Variants in QSOX2 observed in about 807,000 individuals in gnomAD.
QSOX2 encodes sulfhydryl oxidase 2.
Under a neutral mutation model 61.7 loss-of-function variants are expected in QSOX2, and 46 were observed. The observed-to-expected ratio is 0.75, with a 90% CI of 0.59 to 0.95. The LOEUF (loss-of-function observed/expected upper bound fraction) is 0.95. Among genes scored for constraint, QSOX2 ranks in the 40% least tolerant of loss-of-function variants. The pLI, the probability that QSOX2 is intolerant of heterozygous loss-of-function variation, is 0.00. For missense variants in QSOX2, 879 were observed against 918.9 expected (o/e 0.96, Z 0.56); for synonymous variants, 383 against 388.4 (o/e 0.99, Z 0.16).
chr9:136,244,710 T>C (rs1018478365), intron 1 of QSOX2, among the ~76,000 whole-genome samples: 3 of 152,224 alleles, frequency 2.0e-5, no homozygotes, highest in African/African-American at 7.2e-5. Flanking sequence ...ACTTCGTGAC[T>C]GGTTAACAAC....
Position 136,208,293 on chromosome 9 carries a change from G to GA in QSOX2, c.*434_*435insT, listed in dbSNP as rs1554755634. The GA allele has an allele frequency of 6.1e-3, 804 of 132,690 alleles. 40 individuals carry two copies. Among genetic ancestry groups the GA allele is most frequent in the Middle Eastern group, 0.027 (7 of 260 alleles). 8.2% of individuals were successfully genotyped at this position (132,690 alleles called of 1,614,324 possible). ...GGGGGGAGGGGGAGCGAGGGGAGTG[G>GA]GGGGGAGCCAGGAGCCGCGGGGGGG... is the stretch of plus-strand genomic sequence containing the variant. On this transcript the variant is annotated 3_prime_UTR_variant, in exon 12 of 12. Coordinates refer to ENST00000358701, the MANE Select transcript of QSOX2 (RefSeq NM_181701.4).
At chr9:136,243,326 G>C (rs1830447177) in intron 1 of QSOX2, among the ~76,000 whole-genome samples, 2 of 152,142 alleles carry the variant, frequency 1.3e-5, no homozygotes, top group Admixed American at 1.3e-4. Flanking sequence ...CAGCATTCAG[G>C]TCTGAAAAGA....
intron 10 of QSOX2, among the ~76,000 whole-genome samples, chr9:136,212,830 A>C (rs564544946): frequency 2.2e-4 from 33 of 152,350 alleles, no homozygotes; most frequent in Middle Eastern, 3.4e-3. Flanking sequence ...TTAAACATAC[A>C]GTAAAGAGAA....
In QSOX2 at chr9:136,218,732, GGGACTTGT is replaced by G. The variant is rs1454165544; in HGVS notation, c.1025_1032del (p.His342ProfsTer52). On this transcript the variant is annotated frameshift_variant, in exon 8 of 12. Coordinates refer to ENST00000358701, the MANE Select transcript of QSOX2 (RefSeq NM_181701.4). LOFTEE classifies it high-confidence loss of function. The stretch of plus-strand genomic sequence containing the variant: ...AGCGTCTTCAGCTCTGCTCCGGCCA[GGGACTTGT>G]GGGCTGCCAGCTCCACCCGCAGGAG... 6.2e-7 allele frequency: 1 copy of G among 1,613,640 alleles called. No individual in the cohort carries two copies. Among genetic ancestry groups the G allele is most frequent in the African/African-American group, 1.3e-5 (1 of 74,952 alleles).
rs746418170 is a variant in QSOX2 at position 136,221,540 on chromosome 9, C to A, written c.821+256G>T. Among the ~76,000 whole-genome samples, 3 of 152,244 alleles carry A rather than the reference C, an allele frequency of 2.0e-5. No individual in the cohort carries two copies. Among genetic ancestry groups the A allele is most frequent in the Admixed American group, 6.5e-5 (1 of 15,292 alleles). On this transcript the variant is annotated intron_variant, in intron 6 of 11. Coordinates refer to ENST00000358701, the MANE Select transcript of QSOX2 (RefSeq NM_181701.4). The surrounding 1 kb of genome is among the most constrained non-coding windows in gnomAD (Gnocchi z 4.5). The stretch of plus-strand genomic sequence containing the variant: ...GCTGGTTTAGCCACGGTTTCCTCTG[C>A]GACTCTTGGTAAGTCACCACGCCAG...
chr9:136,235,912 T>G lies in QSOX2; in HGVS notation c.329-9038A>C, dbSNP rs114528780. Among the ~76,000 whole-genome samples the G allele has an allele frequency of 2.9e-3, 447 of 152,336 alleles. 1 individual carries two copies. Among genetic ancestry groups the G allele is most frequent in the African/African-American group, 9.9e-3 (410 of 41,572 alleles). ...GAACATTTTCATCAGCGACACTCTCTGGCCTCAGCTTCGGGAGGAACTGGG... is the reference window on the plus strand; with the variant it reads ...GAACATTTTCATCAGCGACACTCTCGGGCCTCAGCTTCGGGAGGAACTGGG... On this transcript the variant is annotated intron_variant, in intron 1 of 11. Transcript: ENST00000358701.
At chr9:136,241,136 C>T (rs528536072) in intron 1 of QSOX2, among the ~76,000 whole-genome samples, 11 of 152,306 alleles carry the variant, frequency 7.2e-5, no homozygotes, top group Non-Finnish European at 1.3e-4. Flanking sequence ...CCGGCTGCTC[C>T]GATGCACCAT....
intron 1 of QSOX2, among the ~76,000 whole-genome samples, chr9:136,231,037 C>T (rs1052260987): frequency 2.0e-5 from 3 of 152,234 alleles, no homozygotes; most frequent in African/African-American, 4.8e-5. Flanking sequence ...AGCCTCCGAC[C>T]GGCCTTGTTT....
In QSOX2 at chr9:136,222,054, G is replaced by A; in HGVS notation, c.676-113C>T. 8.8e-7 allele frequency: 1 copy of A among 1,131,914 alleles called. No individual in the cohort carries two copies. The highest frequency in any genetic ancestry group is 1.2e-6 in the Non-Finnish European group (1 of 830,558). 70.1% of individuals were successfully genotyped at this position (1,131,914 alleles called of 1,614,324 possible). On this transcript the variant is annotated intron_variant, in intron 5 of 11. Coordinates refer to ENST00000358701, the MANE Select transcript of QSOX2 (RefSeq NM_181701.4). This position sits in a 1 kb window ranked among gnomAD's most constrained non-coding sequence, Gnocchi z 6.9. The stretch of plus-strand genomic sequence containing the variant: ...CCTTTCACAAAAGGGCATGAAGTCT[G>A]TCCCCCTGCAGGCAAGACCCTCACT...
chr9:136,222,574 G>T lies in QSOX2; in HGVS notation c.676-633C>A, dbSNP rs777596135. 6.6e-6 allele frequency among the ~76,000 whole-genome samples: 1 copy of T among 152,208 alleles called. No homozygotes were observed. Among genetic ancestry groups the T allele is most frequent in the African/African-American group, 2.4e-5 (1 of 41,450 alleles). ...GCTAAAGGTGTGAACTGGGCGCCCC[G>T]CGTGGCCGTGCCTCTCCTGAGCTGG... On this transcript the variant is annotated intron_variant, in intron 5 of 11. Transcript: ENST00000358701. This position sits in a 1 kb window ranked among gnomAD's most constrained non-coding sequence, Gnocchi z 6.9.
At chr9:136,219,204 T>G (rs745552830) in intron 6 of QSOX2, 40 bp from the exon 7 acceptor site, 1 of 1,593,976 alleles carries the variant, frequency 6.3e-7, no homozygotes, top group Admixed American at 1.7e-5. Context: ...AGAGCCTCCT[T>G]TATAAAATCC....
intron 1 of QSOX2, among the ~76,000 whole-genome samples, chr9:136,232,453 C>CA (rs1490906669): frequency 6.6e-6 from 1 of 152,056 alleles, no homozygotes; most frequent in East Asian, 1.9e-4. Context: ...TAGAAATATA[C>CA]AAAAAATTAA....
rs547758942 is a variant in QSOX2, at chr9:136,220,333, G to A, written c.822-1169C>T. 2.6e-5 allele frequency among the ~76,000 whole-genome samples: 4 copies of A among 152,292 alleles called. No individual in the cohort carries two copies. In the East Asian group the frequency reaches 7.7e-4, roughly 29 times the overall value. ...TGTGAGCCTGGCCTCTTTTTCAAAA[G>A]GAAAGAAAAATACTTAAGAAACTGC... is the stretch of plus-strand genomic sequence containing the variant. On this transcript the variant is annotated intron_variant, in intron 6 of 11. Coordinates refer to ENST00000358701, the MANE Select transcript of QSOX2 (RefSeq NM_181701.4).
intron 1 of QSOX2, among the ~76,000 whole-genome samples, chr9:136,227,079 C>A (rs1206597352): frequency 4.6e-5 from 7 of 152,186 alleles, no homozygotes; most frequent in Non-Finnish European, 1.0e-4. Flanking sequence ...GCCTCTCCTA[C>A]CACAGATAGT....
intron 1 of QSOX2, among the ~76,000 whole-genome samples, chr9:136,233,369 T>C (rs1830349972): frequency 6.6e-6 from 1 of 152,198 alleles, no homozygotes; most frequent in Admixed American, 6.5e-5. Context: ...GCTTCATCAG[T>C]CTACCTGCTC....
intron 8 of QSOX2, among the ~76,000 whole-genome samples, chr9:136,218,333 C>T (rs375400674): frequency 2.0e-5 from 3 of 152,182 alleles, no homozygotes; most frequent in East Asian, 1.9e-4. Flanking sequence ...CCCCAGCCCC[C>T]GTGCAGCGCT....
In QSOX2 at chr9:136,208,989, A is replaced by C. The variant is rs1317270602; in HGVS notation, c.1836T>G (p.Pro612=). ...GDRDTQSVRP[P]GALGPRPALP... ...GGGCAGGCCTGGGGCCCAGTGCACC[A>C]GGTGGACGGACGCTCTGGGTGTCTC... The change falls in exon 12 of 12, where the codon CCT becomes CCG. Residue 612 remains proline (P), a synonymous_variant. Coordinates refer to ENST00000358701, the MANE Select transcript of QSOX2 (RefSeq NM_181701.4). The C allele has an allele frequency of 3.1e-6, 5 of 1,613,690 alleles. No individual in the cohort carries two copies. In the East Asian group the frequency reaches 1.1e-4, roughly 36 times the overall value.
intron 10 of QSOX2, among the ~76,000 whole-genome samples, chr9:136,213,405 G>A (rs531855375): frequency 3.3e-5 from 5 of 151,984 alleles, no homozygotes; most frequent in East Asian, 1.9e-4. Flanking sequence ...GCATTCGGTC[G>A]GAATCAGGTT....
chr9:136,221,408 C>A lies in QSOX2; in HGVS notation c.821+388G>T, dbSNP rs560192492. Reference sequence around the variant, plus strand: ...AGAGGTGGGCACGTGGGCTTGTCTGCCAGCCCCAGACACAGACCCAAACTG... The same window carrying A: ...AGAGGTGGGCACGTGGGCTTGTCTGACAGCCCCAGACACAGACCCAAACTG... On this transcript the variant is annotated intron_variant, in intron 6 of 11. Transcript: ENST00000358701. The surrounding 1 kb of genome is among the most constrained non-coding windows in gnomAD (Gnocchi z 4.5). Among the ~76,000 whole-genome samples, 4 of 152,350 alleles carry A rather than the reference C, an allele frequency of 2.6e-5. No homozygotes were observed. The highest frequency in any genetic ancestry group is 5.9e-5 in the Non-Finnish European group (4 of 68,030).
Sources: allele counts gnomAD v4.1 joint callset (sites outside exome capture counted in the v4.1 genomes callset), GRCh38; gene constraint gnomAD v4.1.1; non-coding constraint Gnocchi (gnomAD v3.1); transcripts MANE v1.5; gene names NCBI Gene and HGNC (gene_info 2026-07-23, HGNC 2026-07-21).